The following RANBP2 variants were observed in gnomAD, a reference collection of about 807,000 sequenced individuals.
RANBP2 encodes E3 SUMO-protein ligase RanBP2.
A neutral mutation model predicts 303.6 loss-of-function variants in RANBP2; 57 were observed. The ratio of observed to expected loss-of-function variants is 0.19; its 90% confidence interval spans 0.15 to 0.23. The LOEUF (loss-of-function observed/expected upper bound fraction) is 0.23, where lower values mean the gene tolerates loss of function less well. Among genes scored for constraint, RANBP2 ranks in the 10% least tolerant of loss-of-function variants. The pLI is 1.00. For missense variants in RANBP2, 3,138 were observed against 3,780.8 expected (o/e 0.83, Z 4.46); for synonymous variants, 1,167 against 1,301.5 (o/e 0.90, Z 2.23).
intron 20 of RANBP2, among the ~76,000 whole-genome samples, chr2:108,769,954 ATT>A (rs4012024): frequency 6.7e-5 from 10 of 149,918 alleles, no homozygotes; most frequent in African/African-American, 2.2e-4. Context: ...GCAATCTCTG[ATT>A]TTTTTTTTTA....
At chr2:109,540,796 G>A in the RANBP2 span, among the ~76,000 whole-genome samples, 1 of 31,814 alleles carries the variant, frequency 3.1e-5, no homozygotes, top group Non-Finnish European at 5.6e-5. Flanking sequence ...GCAAGACCCT[G>A]TCAAAAAAAA....
At chr2:109,669,386 C>T in the RANBP2 span, among the ~76,000 whole-genome samples, 23 of 152,110 alleles carry the variant, frequency 1.5e-4, 1 homozygote, top group African/African-American at 3.9e-4. Flanking sequence ...AGAAAGGAGA[C>T]GACACACAGG....
the RANBP2 span, among the ~76,000 whole-genome samples, chr2:109,221,031 A>C: frequency 6.6e-6 from 1 of 152,248 alleles, no homozygotes; most frequent in East Asian, 1.9e-4. Flanking sequence ...CAGGGTAAAC[A>C]AAATGTGGTA....
the RANBP2 span, among the ~76,000 whole-genome samples, chr2:109,314,164 G>A: frequency 6.6e-6 from 1 of 152,120 alleles, no homozygotes; most frequent in African/African-American, 2.4e-5. Context: ...GTCGTGGTCT[G>A]TGTCCCGGGA....
At chr2:108,971,020 G>A in the RANBP2 span, among the ~76,000 whole-genome samples, 4 of 152,280 alleles carry the variant, frequency 2.6e-5, no homozygotes, top group South Asian at 8.3e-4. Context: ...CTGTGGACCT[G>A]AGGGGACAGG....
chr2:109,234,866 A>G, the RANBP2 span, among the ~76,000 whole-genome samples: 1 of 152,222 alleles, frequency 6.6e-6, no homozygotes, highest in African/African-American at 2.4e-5. Context: ...TCTAGTTGCC[A>G]CCTCAGATTC....
chr2:108,720,794 C>T (rs1318679695), intron 1 of RANBP2, among the ~76,000 whole-genome samples: 1 of 152,174 alleles, frequency 6.6e-6, no homozygotes, highest in African/African-American at 2.4e-5. Context: ...GCCTGTAATC[C>T]CACCACTTTG....
intron 8 of RANBP2, among the ~76,000 whole-genome samples, chr2:108,747,263 AT>A: frequency 6.6e-6 from 1 of 152,276 alleles, no homozygotes; most frequent in African/African-American, 2.4e-5. Flanking sequence ...TTTTTCCCCC[AT>A]TTTTGGCTTG....
At chr2:109,527,225 G>A in the RANBP2 span, among the ~76,000 whole-genome samples, 1 of 152,176 alleles carries the variant, frequency 6.6e-6, no homozygotes, top group Non-Finnish European at 1.5e-5. Context: ...ATCAGCTGCC[G>A]CACGCCTTCA....
At chr2:108,798,993 T>C in the RANBP2 span, among the ~76,000 whole-genome samples, 3 of 152,188 alleles carry the variant, frequency 2.0e-5, no homozygotes, top group East Asian at 5.8e-4. Flanking sequence ...AAATAACTTA[T>C]TTATAGTCCA....
the RANBP2 span, among the ~76,000 whole-genome samples, chr2:109,294,681 A>T: frequency 6.6e-6 from 1 of 151,938 alleles, no homozygotes; most frequent in Non-Finnish European, 1.5e-5. Flanking sequence ...TGATGTGGTG[A>T]CGGGGCTGGG....
At chr2:109,730,596 T>C in the RANBP2 span, among the ~76,000 whole-genome samples, 1 of 152,094 alleles carries the variant, frequency 6.6e-6, no homozygotes, top group Non-Finnish European at 1.5e-5. Flanking sequence ...CAAAGTACCA[T>C]AGATTGGGTG....
downstream of RANBP2, chr2:108,786,766 GC>G (rs1558952058): frequency 6.7e-7 from 1 of 1,486,102 alleles, no homozygotes; most frequent in East Asian, 2.4e-5. Flanking sequence ...CGGCCGCGTA[GC>G]GCCGCGGGTT....
At chr2:109,062,991 A>C in the RANBP2 span, among the ~76,000 whole-genome samples, 2 of 152,150 alleles carry the variant, frequency 1.3e-5, no homozygotes, top group African/African-American at 2.4e-5. Context: ...GCCAGGGCCT[A>C]CGGCCTCAGG....
chr2:109,544,319 T>C, the RANBP2 span: 10 of 1,588,486 alleles, frequency 6.3e-6, no homozygotes, highest in Admixed American at 3.8e-5. Context: ...TTACAAAAAA[T>C]TGGAGCTGGA....
the RANBP2 span, among the ~76,000 whole-genome samples, chr2:109,091,596 G>C: frequency 6.6e-6 from 1 of 152,190 alleles, no homozygotes; most frequent in Non-Finnish European, 1.5e-5. Flanking sequence ...CCATTGGGCA[G>C]TTAACAAATT....
intron 7 of RANBP2, among the ~76,000 whole-genome samples, chr2:108,742,508 G>C (rs180997571): frequency 6.6e-6 from 1 of 151,838 alleles, no homozygotes; most frequent in Non-Finnish European, 1.5e-5. Flanking sequence ...GTTTCACCAT[G>C]TTAGCCAGGA....
At chr2:108,890,419 G>GT in the RANBP2 span, among the ~76,000 whole-genome samples, 1 of 151,756 alleles carries the variant, frequency 6.6e-6, no homozygotes, top group African/African-American at 2.4e-5. Context: ...AATGTTTTGT[G>GT]TTTTTGGTAG....
the RANBP2 span, among the ~76,000 whole-genome samples, chr2:109,424,691 C>G: frequency 9.9e-5 from 15 of 152,138 alleles, no homozygotes; most frequent in African/African-American, 3.6e-4. Flanking sequence ...TGGACCATGC[C>G]CACATAAGAC....
Sources: gnomAD v4.1 joint callset for allele counts (sites outside exome capture counted in the v4.1 genomes callset) on GRCh38, gnomAD v4.1.1 for gene constraint, MANE v1.5 for transcripts, NCBI Gene and HGNC (gene_info 2026-07-23, HGNC 2026-07-21) for gene names.